Variants in MACROD2 observed in about 807,000 individuals in gnomAD.
MACROD2 encodes the protein ADP-ribose glycohydrolase MACROD2.
MACROD2 carries 36 observed loss-of-function variants against 70.4 expected under a neutral mutation model. The ratio of observed to expected loss-of-function variants is 0.51; its 90% confidence interval spans 0.39 to 0.68. The LOEUF is 0.68. MACROD2 is among the 30% of genes least tolerant of loss of function. The pLI is 0.00. For missense variants in MACROD2, 496 were observed against 538.4 expected (o/e 0.92, Z 0.78); for synonymous variants, 172 against 178.8 (o/e 0.96, Z 0.30).
At chr20:15,007,191 C>T (rs1483555952) in intron 5 of MACROD2, among the ~76,000 whole-genome samples, 6 of 151,824 alleles carry the variant, frequency 4.0e-5, no homozygotes, top group Non-Finnish European at 4.4e-5. Flanking sequence ...GGTGAAACCT[C>T]GTCTCTACTA....
intron 10 of MACROD2, among the ~76,000 whole-genome samples, chr20:15,895,732 C>G (rs1358082976): frequency 6.6e-6 from 1 of 152,190 alleles, no homozygotes; most frequent in Non-Finnish European, 1.5e-5. Context: ...GCCTCCATCC[C>G]TTGTACAGCC....
intron 3 of MACROD2, among the ~76,000 whole-genome samples, chr20:14,131,640 C>T (rs1443816248): frequency 6.6e-6 from 1 of 152,100 alleles, no homozygotes; most frequent in African/African-American, 2.4e-5. Flanking sequence ...CCGAAGAGAC[C>T]TTTAATCCAA....
chr20:15,811,068 A>C (rs1189354615), intron 8 of MACROD2, among the ~76,000 whole-genome samples: 3 of 151,686 alleles, frequency 2.0e-5, no homozygotes, highest in African/African-American at 4.8e-5. Context: ...AATGGCAACA[A>C]AAGCCAAAAT....
chr20:14,938,603 A>T (rs1031341095), intron 5 of MACROD2, among the ~76,000 whole-genome samples: 6 of 152,046 alleles, frequency 3.9e-5, no homozygotes, highest in Non-Finnish European at 7.4e-5. Flanking sequence ...CAATATGGTA[A>T]AACCTCAGCT....
At chr20:14,717,246 T>C (rs926715622) in intron 5 of MACROD2, among the ~76,000 whole-genome samples, 1 of 152,182 alleles carries the variant, frequency 6.6e-6, no homozygotes, top group Admixed American at 6.5e-5. Flanking sequence ...AAGTTTACAG[T>C]TGTTTGCATA....
intron 5 of MACROD2, among the ~76,000 whole-genome samples, chr20:14,826,465 G>T (rs1405455515): frequency 6.6e-6 from 1 of 152,002 alleles, no homozygotes; most frequent in Non-Finnish European, 1.5e-5. Flanking sequence ...TCTGTTGCTT[G>T]CAGTAATTCT....
chr20:14,008,229 T>C (rs2052849443), intron 2 of MACROD2, among the ~76,000 whole-genome samples: 1 of 152,304 alleles, frequency 6.6e-6, no homozygotes, highest in African/African-American at 2.4e-5. Context: ...AACCCCATCA[T>C]CTCAGCCCAG....
chr20:15,600,506 TTCTTTC>T lies in MACROD2; in HGVS notation c.645+100663_645+100668del, dbSNP rs559183382. ...TTCATATCTCCCCGCCCTCCCCTTC[TTCTTTC>T]TCTATCTCTTTTGATGACAAAGTGG... On this transcript the variant is annotated intron_variant, in intron 8 of 17. Coordinates refer to ENST00000684519, the MANE Select transcript of MACROD2 (RefSeq NM_001351661.2). Among the ~76,000 whole-genome samples, 42 of 152,344 alleles carry T rather than the reference TTCTTTC, an allele frequency of 2.8e-4. No individual in the cohort carries two copies. The East Asian group carries it at 8.1e-3, about 29-fold the overall frequency.
At chr20:15,506,642 C>G (rs2047429529) in intron 8 of MACROD2, among the ~76,000 whole-genome samples, 2 of 152,126 alleles carry the variant, frequency 1.3e-5, no homozygotes, top group African/African-American at 4.8e-5. Context: ...GCCTTAGGAT[C>G]TTTGTGATTC....
chr20:15,727,098 T>C (rs2050874713), intron 8 of MACROD2, among the ~76,000 whole-genome samples: 1 of 152,192 alleles, frequency 6.6e-6, no homozygotes, highest in Non-Finnish European at 1.5e-5. Flanking sequence ...ATTTAAGTCT[T>C]TAATCTTGAG....
intron 8 of MACROD2, among the ~76,000 whole-genome samples, chr20:15,627,387 C>T (rs916544255): frequency 5.3e-5 from 8 of 152,188 alleles, no homozygotes; most frequent in African/African-American, 7.2e-5. Context: ...CACGGCATTG[C>T]GGTAAAGAAA....
At chr20:15,743,595 A>G (rs559506038) in intron 8 of MACROD2, among the ~76,000 whole-genome samples, 2 of 152,066 alleles carry the variant, frequency 1.3e-5, no homozygotes, top group African/African-American at 4.8e-5. Flanking sequence ...GCCCAAATTG[A>G]CTAATCTGTT....
intron 6 of MACROD2, among the ~76,000 whole-genome samples, chr20:15,387,887 T>A (rs998474429): frequency 1.3e-5 from 2 of 151,786 alleles, no homozygotes; most frequent in Non-Finnish European, 2.9e-5. Flanking sequence ...GGACTACAGG[T>A]GCATGCCACC....
intron 8 of MACROD2, among the ~76,000 whole-genome samples, chr20:15,537,292 A>T (rs2047889575): frequency 6.6e-6 from 1 of 151,998 alleles, no homozygotes; most frequent in South Asian, 2.1e-4. Flanking sequence ...GCCATGTGGA[A>T]TTGTGAGTCC....
chr20:15,206,747 T>TTTTTTTTTTTTTTTTTTTTGG, intron 5 of MACROD2, among the ~76,000 whole-genome samples: 1 of 114,970 alleles, frequency 8.7e-6, no homozygotes, highest in Non-Finnish European at 1.8e-5. Flanking sequence ...TTTTTTTTTT[T>TTTTTTTTTTTTTTTTTTTTGG]GAGACGGAGT....
At chr20:14,394,691 C>G (rs573380455) in intron 3 of MACROD2, among the ~76,000 whole-genome samples, 44 of 152,270 alleles carry the variant, frequency 2.9e-4, no homozygotes, top group Non-Finnish European at 4.7e-4. Context: ...GTAAAGCTTT[C>G]GGTCTTTCCC....
At chr20:15,899,677 C>T (rs994786926) in intron 10 of MACROD2, among the ~76,000 whole-genome samples, 2 of 152,180 alleles carry the variant, frequency 1.3e-5, no homozygotes, top group Non-Finnish European at 2.9e-5. Flanking sequence ...TTACAGAAAG[C>T]ACTAGCACTT....
chr20:15,510,979 T>C (rs796563802), intron 8 of MACROD2, among the ~76,000 whole-genome samples: 2 of 152,344 alleles, frequency 1.3e-5, no homozygotes, highest in Admixed American at 6.5e-5. Context: ...ACTAAACTTG[T>C]GTTGAATAGA....
At chr20:15,043,668 C>T (rs1357056012) in intron 5 of MACROD2, among the ~76,000 whole-genome samples, 1 of 152,152 alleles carries the variant, frequency 6.6e-6, no homozygotes, top group African/African-American at 2.4e-5. Context: ...TCTTTTCATT[C>T]ACTGTGCTTC....
Sources: gnomAD v4.1 joint callset for allele counts (sites outside exome capture counted in the v4.1 genomes callset) on GRCh38, gnomAD v4.1.1 for gene constraint, MANE v1.5 for transcripts, NCBI Gene and HGNC (gene_info 2026-07-23, HGNC 2026-07-21) for gene names.